ARHGEF38: variants seen among roughly 807,000 people sequenced by gnomAD.
ARHGEF38 encodes Rho guanine nucleotide exchange factor (GEF) 38.
ARHGEF38 carries 79 observed loss-of-function variants against 79.9 expected under a neutral mutation model. That is an observed-to-expected ratio of 0.99 (90% CI 0.82 to 1.19). ARHGEF38 has a LOEUF of 1.19. ARHGEF38 is among the 50% of genes most tolerant of loss of function. The pLI, the probability that ARHGEF38 is intolerant of heterozygous loss-of-function variation, is 0.00. For synonymous variants in ARHGEF38, 366 were observed against 328.3 expected (o/e 1.11, Z -1.24); for missense variants, 962 against 907.2 (o/e 1.06, Z -0.78).
At chr4:105,660,451 T>TG (rs538608980) in intron 10 of ARHGEF38, among the ~76,000 whole-genome samples, 148 of 148,696 alleles carry the variant, frequency 1.0e-3, no homozygotes, top group African/African-American at 2.8e-3. Flanking sequence ...TTTTTTTTGG[T>TG]GGGGGGGGAT....
intron 9 of ARHGEF38, among the ~76,000 whole-genome samples, chr4:105,657,788 A>G (rs1730399117): frequency 2.0e-5 from 3 of 152,262 alleles, no homozygotes; most frequent in South Asian, 2.1e-4. Flanking sequence ...GCTGGTGCCA[A>G]TAAGAGATTG....
chr4:105,665,628 G>A (rs1212954658), intron 10 of ARHGEF38, among the ~76,000 whole-genome samples: 2 of 152,046 alleles, frequency 1.3e-5, no homozygotes, highest in Non-Finnish European at 2.9e-5. Context: ...AAGAGACAAG[G>A]TCTTGCTACA....
chr4:105,631,555 T>C (rs1729194690), intron 4 of ARHGEF38: 1 of 985,320 alleles, frequency 1.0e-6, no homozygotes, highest in African/African-American at 1.7e-5. Context: ...TCCTTTCTCA[T>C]CCCTAAAACA....
Position 105,679,774 on chromosome 4 carries a change from A to T in ARHGEF38, c.*1837A>T, listed in dbSNP as rs922349124. 4.1e-6 allele frequency: 4 copies of T among 966,480 alleles called. No homozygotes were observed. Among genetic ancestry groups the T allele is most frequent in the Non-Finnish European group, 6.7e-6 (4 of 597,702 alleles). The allele number at this position is 966,480 out of a possible 1,614,324, so 59.9% of individuals were successfully genotyped here. On this transcript the variant is annotated 3_prime_UTR_variant, in exon 14 of 14. Coordinates refer to ENST00000420470, the MANE Select transcript of ARHGEF38 (RefSeq NM_001242729.2). Reference sequence around the variant, plus strand: ...CTCTTGGTTGATAAAAACATATACAAACCCCTGTCTGTCCAGCTTTACCCA... The same window carrying T: ...CTCTTGGTTGATAAAAACATATACATACCCCTGTCTGTCCAGCTTTACCCA...
chr4:105,672,563 A>C (rs1404367774), intron 13 of ARHGEF38, among the ~76,000 whole-genome samples: 6 of 152,358 alleles, frequency 3.9e-5, no homozygotes, highest in Admixed American at 1.3e-4. Flanking sequence ...TTTGTCCATC[A>C]AATAGTAATG....
chr4:105,679,236 C>A lies in ARHGEF38; in HGVS notation c.*1299C>A. On this transcript the variant is annotated 3_prime_UTR_variant, in exon 14 of 14. Coordinates refer to ENST00000420470, the MANE Select transcript of ARHGEF38 (RefSeq NM_001242729.2). Reference sequence around the variant, plus strand: ...GTCTGGAATTAAAAGATGTTTCCATCATAATATTCTTTAATTTCAGGTAAT... The same window carrying A: ...GTCTGGAATTAAAAGATGTTTCCATAATAATATTCTTTAATTTCAGGTAAT... 1 of 674,222 alleles carries A rather than the reference C, an allele frequency of 1.5e-6. No individual in the cohort carries two copies. Among genetic ancestry groups the A allele is most frequent in the South Asian group, 1.8e-5 (1 of 54,638 alleles). The allele number at this position is 674,222 out of a possible 1,614,324, so 41.8% of individuals were successfully genotyped here.
At chr4:105,620,658 C>A (rs1432770342) in intron 3 of ARHGEF38, among the ~76,000 whole-genome samples, 2 of 152,136 alleles carry the variant, frequency 1.3e-5, no homozygotes, top group Non-Finnish European at 2.9e-5. Flanking sequence ...AATATCTATG[C>A]ATCTTAATGA....
intron 6 of ARHGEF38, among the ~76,000 whole-genome samples, chr4:105,647,539 T>C (rs1444649488): frequency 6.6e-6 from 1 of 152,222 alleles, no homozygotes; most frequent in African/African-American, 2.4e-5. Flanking sequence ...AATAAAACTT[T>C]GTATACTTGA....
At chr4:105,581,024 AATAGAG>A (rs1328936686) in intron 1 of ARHGEF38, among the ~76,000 whole-genome samples, 10 of 152,086 alleles carry the variant, frequency 6.6e-5, no homozygotes, top group Non-Finnish European at 1.2e-4. Context: ...TAGAGGGCAT[AATAGAG>A]ACTGTAAGGA....
intron 1 of ARHGEF38, among the ~76,000 whole-genome samples, chr4:105,576,905 G>C (rs1417351233): frequency 1.3e-5 from 2 of 152,090 alleles, no homozygotes; most frequent in Admixed American, 6.5e-5. Flanking sequence ...CTGCTTATGT[G>C]ATGTATCGCA....
chr4:105,657,549 A>G (rs1730383886), intron 9 of ARHGEF38, among the ~76,000 whole-genome samples: 1 of 152,112 alleles, frequency 6.6e-6, no homozygotes, highest in Non-Finnish European at 1.5e-5. Flanking sequence ...TCTAACAACA[A>G]TTCCTAAGTA....
chr4:105,612,867 C>A (rs1378536285), intron 2 of ARHGEF38, among the ~76,000 whole-genome samples: 2 of 151,872 alleles, frequency 1.3e-5, no homozygotes, highest in Non-Finnish European at 2.9e-5. Context: ...TATAATGAAT[C>A]CTTAATTAGT....
At chr4:105,589,576 A>G (rs1485952034) in intron 2 of ARHGEF38, 141 bp downstream of exon 2, 2 of 717,770 alleles carry the variant, frequency 2.8e-6, no homozygotes, top group Non-Finnish European at 4.3e-6. Context: ...CTCTGGGGTT[A>G]CAGTTTAGTA....
chr4:105,603,453 C>A (rs1385503663), intron 2 of ARHGEF38, among the ~76,000 whole-genome samples: 1 of 152,058 alleles, frequency 6.6e-6, no homozygotes, highest in Non-Finnish European at 1.5e-5. Flanking sequence ...GCTTTACATT[C>A]TTTGGATTTT....
intron 1 of ARHGEF38, among the ~76,000 whole-genome samples, chr4:105,586,525 T>A (rs544270539): frequency 6.6e-6 from 1 of 152,198 alleles, no homozygotes; most frequent in African/African-American, 2.4e-5. Flanking sequence ...CATTTTAAAG[T>A]GCAGCAACTG....
Position 105,677,860 on chromosome 4 carries a change from G to C in ARHGEF38, c.2257G>C (p.Glu753Gln), listed in dbSNP as rs1286211595. The C allele has an allele frequency of 6.5e-7, 1 of 1,535,460 alleles. No homozygotes were observed. The highest frequency in any genetic ancestry group is 2.0e-5 in the Admixed American group (1 of 50,994). ...LRFCDLSGNK[E>Q]WWLAEAQGQK... ...GTTTTGTGACCTAAGTGGCAATAAA[G>C]AGTGGTGGTTAGCTGAAGCTCAAGG... Residue 753 changes from glutamate (E) to glutamine (Q), a missense_variant, in exon 14 of 14, where the codon GAG becomes CAG. By Grantham distance (29) the Glu-to-Gln change is conservative. Transcript: ENST00000420470.
intron 3 of ARHGEF38, among the ~76,000 whole-genome samples, chr4:105,629,040 A>C (rs1189218138): frequency 4.6e-5 from 7 of 152,096 alleles, no homozygotes; most frequent in Non-Finnish European, 1.0e-4. Context: ...AGGCACTAAG[A>C]CTCAAATAAT....
chr4:105,657,437 T>C (rs1323134166), intron 9 of ARHGEF38, among the ~76,000 whole-genome samples: 1 of 152,158 alleles, frequency 6.6e-6, no homozygotes, highest in Admixed American at 6.5e-5. Flanking sequence ...TATTAAGAAC[T>C]CAAAATCTGT....
intron 1 of ARHGEF38, chr4:105,561,444 A>G (rs6533208): frequency 0.12 from 4,958 of 40,738 alleles, 614 homozygotes; most frequent in Middle Eastern, 0.17. Context: ...AGAATAGAAT[A>G]GAATGGAATA....
Sources: allele counts gnomAD v4.1 joint callset (sites outside exome capture counted in the v4.1 genomes callset), GRCh38; gene constraint gnomAD v4.1.1; transcripts MANE v1.5; gene names NCBI Gene and HGNC (gene_info 2026-07-23, HGNC 2026-07-21).